CNTN5: variants seen among roughly 807,000 people sequenced by gnomAD.
CNTN5 encodes the protein contactin 5.
In CNTN5, 77 loss-of-function variants were observed where a neutral mutation model predicts 129.1. The ratio of observed to expected loss-of-function variants is 0.60; its 90% CI spans 0.50 to 0.72. CNTN5 has a LOEUF of 0.72. Ranked by LOEUF, CNTN5 falls within the 30% of genes least tolerant of loss-of-function variation. CNTN5 has a pLI of 0.00. For missense variants in CNTN5, 1,478 were observed against 1,328.8 expected (o/e 1.11, Z -1.75); for synonymous variants, 509 against 465.6 (o/e 1.09, Z -1.20).
Position 99,550,088 on chromosome 11 carries a change from G to A in CNTN5, c.-70-6057G>A, listed in dbSNP as rs1040614782. On this transcript the variant is annotated intron_variant, in intron 2 of 24. Coordinates refer to ENST00000524871, the MANE Select transcript of CNTN5 (RefSeq NM_014361.4). Reference sequence around the variant, plus strand: ...AAAACTGATCTTCACTATGCCTCACGGTGTTTAACACACTATAGAAAATCA... The same window carrying A: ...AAAACTGATCTTCACTATGCCTCACAGTGTTTAACACACTATAGAAAATCA... Among the ~76,000 whole-genome samples, 6 of 152,112 alleles carry A rather than the reference G, an allele frequency of 3.9e-5. 1 individual carries two copies. Among genetic ancestry groups the A allele is most frequent in the Middle Eastern group, 6.8e-3 (2 of 294 alleles).
At chr11:99,843,528 G>T (rs1169595546) in intron 4 of CNTN5, among the ~76,000 whole-genome samples, 1 of 151,928 alleles carries the variant, frequency 6.6e-6, no homozygotes, top group Non-Finnish European at 1.5e-5. Context: ...ATCTGCAAAA[G>T]ATATAAACTT....
chr11:99,597,634 G>A (rs970246283), intron 3 of CNTN5, among the ~76,000 whole-genome samples: 1 of 151,972 alleles, frequency 6.6e-6, no homozygotes, highest in African/African-American at 2.4e-5. Flanking sequence ...TTAATTTTAG[G>A]TCCTCTGCTT....
chr11:99,610,895 G>A (rs1950573592), intron 3 of CNTN5, among the ~76,000 whole-genome samples: 1 of 152,150 alleles, frequency 6.6e-6, no homozygotes, highest in South Asian at 2.1e-4. Flanking sequence ...CAATAAATAA[G>A]CAGCGCTATG....
chr11:99,800,954 A>T (rs1244532551), intron 3 of CNTN5, among the ~76,000 whole-genome samples: 1 of 152,080 alleles, frequency 6.6e-6, no homozygotes, highest in Non-Finnish European at 1.5e-5. Context: ...TGAAGTTTTG[A>T]TACTGTCATG....
intron 1 of CNTN5, among the ~76,000 whole-genome samples, chr11:99,222,286 C>A (rs1860435462): frequency 6.7e-6 from 1 of 149,584 alleles, no homozygotes; most frequent in South Asian, 2.1e-4. Flanking sequence ...AATGTTTATA[C>A]ATATAGATAA....
At chr11:99,185,823 T>C (rs1461164116) in intron 1 of CNTN5, among the ~76,000 whole-genome samples, 1 of 133,358 alleles carries the variant, frequency 7.5e-6, no homozygotes, top group Non-Finnish European at 1.7e-5. Flanking sequence ...CCCATCAAAA[T>C]AACGGAGAGG....
intron 1 of CNTN5, among the ~76,000 whole-genome samples, chr11:99,241,464 C>A (rs1441990326): frequency 3.3e-5 from 5 of 151,740 alleles, no homozygotes; most frequent in Non-Finnish European, 7.4e-5. Context: ...GTGTGAGCAC[C>A]AAAATCACTA....
At chr11:100,041,837 A>G (rs769789220) in intron 9 of CNTN5, among the ~76,000 whole-genome samples, 2 of 152,226 alleles carry the variant, frequency 1.3e-5, no homozygotes, top group Non-Finnish European at 2.9e-5. Flanking sequence ...TTTGCCTAAG[A>G]TAATTAAAAG....
chr11:99,927,745 G>C (rs983847515), intron 7 of CNTN5, among the ~76,000 whole-genome samples: 6 of 152,118 alleles, frequency 3.9e-5, no homozygotes, highest in Non-Finnish European at 5.9e-5. Flanking sequence ...TTCAAAATGA[G>C]ATTTGTATGG....
chr11:100,249,761 A>T (rs1291806550), intron 16 of CNTN5, among the ~76,000 whole-genome samples: 1 of 152,172 alleles, frequency 6.6e-6, no homozygotes. Context: ...AAGTCAAAAA[A>T]TAGCAAAAGT....
chr11:100,224,727 C>G lies in CNTN5; in HGVS notation c.1920C>G (p.Ile640Met). ...ASSADLMIRN[I>M]LLMHAGRYGC... is the part of the protein sequence containing the mutation. ...CTGCAGATTTAATGATCAGGAACATCCTTCTGATGCATGCTGGGAGATATG... is the reference window on the plus strand; with the variant it reads ...CTGCAGATTTAATGATCAGGAACATGCTTCTGATGCATGCTGGGAGATATG... The change falls in exon 16 of 25, where the codon ATC (isoleucine) becomes ATG (methionine). Residue 640 changes from isoleucine (I) to methionine (M), a missense_variant. Transcript: ENST00000524871. The G allele has an allele frequency of 1.2e-6, 2 of 1,612,376 alleles. No individual in the cohort carries two copies. The highest frequency in any genetic ancestry group is 1.7e-6 in the Non-Finnish European group (2 of 1,178,678).
intron 1 of CNTN5, among the ~76,000 whole-genome samples, chr11:99,185,518 T>C (rs1185776428): frequency 6.6e-6 from 1 of 151,954 alleles, no homozygotes; most frequent in Non-Finnish European, 1.5e-5. Flanking sequence ...TAGAAGATAA[T>C]TGCCTTTAGG....
intron 6 of CNTN5, among the ~76,000 whole-genome samples, chr11:99,910,458 C>A (rs1275689507): frequency 6.6e-6 from 1 of 151,962 alleles, no homozygotes; most frequent in Non-Finnish European, 1.5e-5. Flanking sequence ...GTAAGAACTG[C>A]TTTTTCTATT....
chr11:99,610,978 T>C (rs756997708), intron 3 of CNTN5, among the ~76,000 whole-genome samples: 1 of 152,152 alleles, frequency 6.6e-6, no homozygotes, highest in Non-Finnish European at 1.5e-5. Context: ...AAGCAAATCA[T>C]TGAAACTGCT....
intron 13 of CNTN5, among the ~76,000 whole-genome samples, chr11:100,076,252 G>A (rs967331080): frequency 2.6e-5 from 4 of 151,928 alleles, no homozygotes; most frequent in African/African-American, 7.2e-5. Flanking sequence ...CCTTATCTAC[G>A]CAAAACATTC....
intron 3 of CNTN5, among the ~76,000 whole-genome samples, chr11:99,739,858 A>T (rs1469532473): frequency 6.6e-6 from 1 of 152,162 alleles, no homozygotes; most frequent in African/African-American, 2.4e-5. Flanking sequence ...AAGTCTAGGC[A>T]AGGAGCTTTT....
intron 1 of CNTN5, among the ~76,000 whole-genome samples, chr11:99,275,847 A>G (rs1863401566): frequency 6.6e-6 from 1 of 151,678 alleles, no homozygotes; most frequent in Non-Finnish European, 1.5e-5. Flanking sequence ...GCTGCATTAC[A>G]TTTGACCAAA....
At chr11:99,113,085 A>T (rs550742926) in intron 1 of CNTN5, among the ~76,000 whole-genome samples, 130 of 152,196 alleles carry the variant, frequency 8.5e-4, no homozygotes, top group African/African-American at 3.1e-3. Context: ...ACATGAATTA[A>T]CTAAAATATA....
At chr11:99,311,798 A>G (rs1309520922) in intron 1 of CNTN5, among the ~76,000 whole-genome samples, 3 of 152,212 alleles carry the variant, frequency 2.0e-5, no homozygotes, top group Non-Finnish European at 2.9e-5. Flanking sequence ...AATTGTGTAT[A>G]TAATATTCTA....
Sources: gnomAD v4.1 joint callset for allele counts (sites outside exome capture counted in the v4.1 genomes callset) on GRCh38, gnomAD v4.1.1 for gene constraint, MANE v1.5 for transcripts, NCBI Gene and HGNC (gene_info 2026-07-23, HGNC 2026-07-21) for gene names.